The following STXBP4 variants were observed in gnomAD, a reference collection of about 807,000 sequenced individuals.
STXBP4 encodes the protein syntaxin binding protein 4, also known as syntaxin-binding protein 4.
A neutral mutation model predicts 76.1 loss-of-function variants in STXBP4; 55 were observed. The observed-to-expected ratio is 0.72, with a 90% CI of 0.58 to 0.91. The LOEUF (loss-of-function observed/expected upper bound fraction) is 0.91, where lower values mean the gene tolerates loss of function less well. Ranked by LOEUF, STXBP4 falls within the 40% of genes least tolerant of loss-of-function variation. STXBP4 has a pLI of 0.00. For synonymous variants in STXBP4, 201 were observed against 220.2 expected (o/e 0.91, Z 0.77); for missense variants, 618 against 636.9 (o/e 0.97, Z 0.32).
At chr17:55,121,828 G>A (rs974075867) in intron 16 of STXBP4, among the ~76,000 whole-genome samples, 1 of 151,786 alleles carries the variant, frequency 6.6e-6, no homozygotes, top group South Asian at 2.1e-4. Flanking sequence ...GATGGAGCTG[G>A]GACCACCTCT....
At chr17:54,993,749 T>C (rs1207845401) in intron 4 of STXBP4, among the ~76,000 whole-genome samples, 3 of 152,210 alleles carry the variant, frequency 2.0e-5, no homozygotes, top group Non-Finnish European at 4.4e-5. Flanking sequence ...CTGAACTGAG[T>C]AACTGTTAAT....
intron 16 of STXBP4, among the ~76,000 whole-genome samples, chr17:55,097,804 G>A (rs920941365): frequency 1.3e-5 from 2 of 152,078 alleles, no homozygotes; most frequent in African/African-American, 4.8e-5. Context: ...ACGCTATAAG[G>A]TTCCAATGCC....
intron 17 of STXBP4, among the ~76,000 whole-genome samples, chr17:55,149,344 G>A (rs1194675634): frequency 4.9e-5 from 7 of 143,104 alleles, no homozygotes; most frequent in Non-Finnish European, 1.1e-4. Flanking sequence ...AAAAAATAAG[G>A]GCTTTAGTAT....
chr17:55,028,482 C>A (rs1031590765), intron 8 of STXBP4, among the ~76,000 whole-genome samples: 15 of 152,000 alleles, frequency 9.9e-5, no homozygotes, highest in African/African-American at 3.6e-4. Context: ...TAGAAAAAAA[C>A]CTGAAAAATT....
chr17:55,022,914 A>G (rs1053336089), intron 8 of STXBP4, among the ~76,000 whole-genome samples: 2 of 152,200 alleles, frequency 1.3e-5, no homozygotes, highest in African/African-American at 4.8e-5. Flanking sequence ...AGTTCAGTAA[A>G]AAGCCATTGA....
chr17:55,050,670 T>G (rs981982522), intron 12 of STXBP4, among the ~76,000 whole-genome samples: 3 of 152,140 alleles, frequency 2.0e-5, no homozygotes, highest in East Asian at 1.9e-4. Flanking sequence ...GTATTCTTTT[T>G]GTTTGTTTGT....
chr17:55,204,954 AC>A, the STXBP4 span, among the ~76,000 whole-genome samples: 1 of 152,126 alleles, frequency 6.6e-6, no homozygotes, highest in Admixed American at 6.6e-5. Context: ...CTATTGAATA[AC>A]TACCAAACAT....
rs1051072789 is a variant in STXBP4, at chr17:54,968,805, C to T, written c.-167C>T. 2.7e-6 allele frequency: 2 copies of T among 753,280 alleles called. No homozygotes were observed. Among genetic ancestry groups the T allele is most frequent in the Admixed American group, 2.7e-5 (1 of 37,532 alleles). The allele number at this position is 753,280 out of a possible 1,614,324, so 46.7% of individuals were successfully genotyped here. Reference sequence around the variant, plus strand: ...CAGTCGGGCTACGGAGGCCGGGTTGCCAGATTACGGGTAAGTTTGCGTTTT... The same window carrying T: ...CAGTCGGGCTACGGAGGCCGGGTTGTCAGATTACGGGTAAGTTTGCGTTTT... On this transcript the variant is annotated 5_prime_UTR_variant, in exon 1 of 18. Transcript: ENST00000376352.
At chr17:55,175,184 C>G (rs1286463035), downstream of STXBP4, among the ~76,000 whole-genome samples, 1 of 152,198 alleles carries the variant, frequency 6.6e-6, no homozygotes, top group Non-Finnish European at 1.5e-5. Flanking sequence ...TTTGAGAACA[C>G]TGCAGAGTAG....
chr17:55,016,757 G>C (rs1394998129), intron 8 of STXBP4, among the ~76,000 whole-genome samples: 1 of 152,190 alleles, frequency 6.6e-6, no homozygotes, highest in Non-Finnish European at 1.5e-5. Flanking sequence ...TGGGTTAAGT[G>C]AACTATCAGT....
chr17:55,093,056 G>C (rs548174278), intron 16 of STXBP4, among the ~76,000 whole-genome samples: 1 of 151,952 alleles, frequency 6.6e-6, no homozygotes, highest in East Asian at 1.9e-4. Context: ...GTGCAGTGGC[G>C]CAATCTCGGC....
chr17:55,183,696 A>T, the STXBP4 span, among the ~76,000 whole-genome samples: 1 of 152,212 alleles, frequency 6.6e-6, no homozygotes, highest in African/African-American at 2.4e-5. Flanking sequence ...ATTTTAAGAG[A>T]TATACAGTGC....
At chr17:55,043,496 TTTTGG>T (rs1470587039) in intron 11 of STXBP4, 171 bp downstream of exon 11, 6 of 906,818 alleles carry the variant, frequency 6.6e-6, no homozygotes, top group Non-Finnish European at 9.8e-6. Flanking sequence ...GAGAATTAAT[TTTTGG>T]TCTACATATT....
chr17:55,194,254 C>A, the STXBP4 span, among the ~76,000 whole-genome samples: 1 of 152,128 alleles, frequency 6.6e-6, no homozygotes, highest in Admixed American at 6.6e-5. Context: ...AGTTCCTGAT[C>A]TCAGACTGAG....
intron 12 of STXBP4, among the ~76,000 whole-genome samples, chr17:55,050,141 A>G (rs2078841791): frequency 6.6e-6 from 1 of 152,144 alleles, no homozygotes; most frequent in Non-Finnish European, 1.5e-5. Flanking sequence ...ATATGGTAGT[A>G]ATCTGGAATA....
At chr17:55,183,353 A>G in the STXBP4 span, among the ~76,000 whole-genome samples, 1 of 152,200 alleles carries the variant, frequency 6.6e-6, no homozygotes, top group Non-Finnish European at 1.5e-5. Flanking sequence ...TAGGAGGCTG[A>G]GGTGGGAGGA....
At chr17:55,000,110 C>G (rs1362323525) in intron 6 of STXBP4, 2 of 661,850 alleles carry the variant, frequency 3.0e-6, no homozygotes, top group Non-Finnish European at 3.7e-6. Context: ...AGATATCACT[C>G]AAAACTATGT....
intron 13 of STXBP4, among the ~76,000 whole-genome samples, chr17:55,073,880 C>T (rs1482886386): frequency 2.6e-5 from 4 of 152,234 alleles, no homozygotes; most frequent in Admixed American, 6.5e-5. Flanking sequence ...CCACCAGTCT[C>T]GGCCTTCCAA....
At chr17:55,196,717 G>A in the STXBP4 span, among the ~76,000 whole-genome samples, 2 of 152,182 alleles carry the variant, frequency 1.3e-5, no homozygotes, top group Admixed American at 1.3e-4. Context: ...GAAGTACTCA[G>A]TAACTGTTTT....
Sources: gnomAD v4.1 joint callset for allele counts (sites outside exome capture counted in the v4.1 genomes callset) on GRCh38, gnomAD v4.1.1 for gene constraint, MANE v1.5 for transcripts, NCBI Gene and HGNC (gene_info 2026-07-23, HGNC 2026-07-21) for gene names.